Variants in TTLL1 observed in about 807,000 individuals in gnomAD.
The protein encoded by TTLL1 is TTL family tubulin polyglutamylase complex subunit L1, also known as polyglutamylase complex subunit TTLL1.
In TTLL1, 33 loss-of-function variants were observed where a neutral mutation model predicts 47.8. That is an observed-to-expected ratio of 0.69 (90% CI 0.52 to 0.92). The LOEUF is 0.92. Ranked by LOEUF, TTLL1 falls within the 40% of genes least tolerant of loss-of-function variation. The pLI is 0.00. For missense variants in TTLL1, 488 were observed against 547.5 expected, an observed-to-expected ratio of 0.89 and a Z score of 1.08; for synonymous variants, 225 against 214.1, an observed-to-expected ratio of 1.05 and a Z score of -0.45.
chr22:43,054,676 G>A (rs916536545), intron 8 of TTLL1, among the ~76,000 whole-genome samples: 7 of 145,478 alleles, frequency 4.8e-5, no homozygotes, highest in South Asian at 4.3e-4. Context: ...CACCCACCTC[G>A]CCCTCCCAAA....
rs186009199 is a variant in TTLL1 at position 43,081,194 on chromosome 22, G to A, written c.-89-1208C>T. The stretch of plus-strand genomic sequence containing the variant: ...GCCTCTCAAAGTGCTGGGATGACAA[G>A]CGTGAGCCACCGCGCCCGGCTGCAC... On this transcript the variant is annotated intron_variant, in intron 1 of 10. Transcript: ENST00000266254. 3.3e-3 allele frequency among the ~76,000 whole-genome samples: 498 copies of A among 152,158 alleles called. 2 individuals carry two copies. Among genetic ancestry groups the A allele is most frequent in the African/African-American group, 0.012 (486 of 41,500 alleles).
intron 1 of TTLL1, among the ~76,000 whole-genome samples, chr22:43,080,242 A>T (rs1439812307): frequency 2.0e-5 from 3 of 151,894 alleles, no homozygotes; most frequent in African/African-American, 7.3e-5. Flanking sequence ...TTTTGTAGAG[A>T]CAGGGTTTCC....
At chr22:43,058,631 C>T (rs1393595220) in intron 8 of TTLL1, among the ~76,000 whole-genome samples, 1 of 152,158 alleles carries the variant, frequency 6.6e-6, no homozygotes, top group Non-Finnish European at 1.5e-5. Context: ...TTTCCCTTTC[C>T]GAAAAGACTG....
chr22:43,054,787 G>A (rs1175385994), intron 8 of TTLL1, among the ~76,000 whole-genome samples: 11 of 147,638 alleles, frequency 7.5e-5, no homozygotes, highest in South Asian at 6.5e-4. Context: ...GTGCAGTGGC[G>A]CAATCTCGGC....
chr22:43,052,014 C>T (rs1188859410), intron 8 of TTLL1, 127 bp from the exon 9 acceptor site: 2 of 797,558 alleles, frequency 2.5e-6, no homozygotes, highest in Non-Finnish European at 4.3e-6. Context: ...CACCCTCCAC[C>T]ACAAACGCTT....
intron 4 of TTLL1, among the ~76,000 whole-genome samples, chr22:43,069,185 G>A (rs958404695): frequency 9.8e-5 from 14 of 142,566 alleles, no homozygotes; most frequent in Admixed American, 3.0e-4. Flanking sequence ...GACCAGCCTG[G>A]CCAATATGGT....
chr22:43,045,149 C>T (rs778405900), intron 10 of TTLL1, among the ~76,000 whole-genome samples: 17 of 152,186 alleles, frequency 1.1e-4, no homozygotes, highest in Non-Finnish European at 2.2e-4. Flanking sequence ...GCGTGAGCCA[C>T]CACGCCCAGC....
chr22:43,061,569 C>T (rs1927388526), intron 7 of TTLL1, among the ~76,000 whole-genome samples: 1 of 152,238 alleles, frequency 6.6e-6, no homozygotes, highest in African/African-American at 2.4e-5. Context: ...GGCTTCCATC[C>T]AAAGAAGATT....
At chr22:43,051,698 T>G in intron 9 of TTLL1, 103 bp downstream of exon 9, 8 of 1,105,882 alleles carry the variant, frequency 7.2e-6, no homozygotes, top group East Asian at 4.7e-5. Context: ...CTGCCTGGCC[T>G]GAGAAACATC....
chr22:43,066,666 G>A (rs915940529), intron 5 of TTLL1, among the ~76,000 whole-genome samples: 3 of 149,738 alleles, frequency 2.0e-5, no homozygotes, highest in African/African-American at 7.5e-5. Flanking sequence ...AGGTTGCAGT[G>A]AGCCATGATC....
At chr22:43,070,261 A>G in intron 3 of TTLL1, 1 of 1,277,812 alleles carries the variant, frequency 7.8e-7, no homozygotes, top group South Asian at 1.2e-5. Flanking sequence ...ACAAAATCAC[A>G]GGGGTTATTT....
chr22:43,087,565 C>T (rs1015972948), intron 1 of TTLL1, among the ~76,000 whole-genome samples: 3 of 149,790 alleles, frequency 2.0e-5, no homozygotes, highest in South Asian at 2.1e-4. Context: ...TAGCAGGGCA[C>T]GGTGGCTCAC....
chr22:43,077,881 C>T lies in TTLL1; in HGVS notation c.-5+2021G>A, dbSNP rs9623749. Reference sequence around the variant, plus strand: ...CAGCACTTTGAGAGGCCGAGGCAGGCGGATCACTTGAGCCCAAGAGTTTGA... The same window carrying T: ...CAGCACTTTGAGAGGCCGAGGCAGGTGGATCACTTGAGCCCAAGAGTTTGA... On this transcript the variant is annotated intron_variant, in intron 2 of 10. Transcript: ENST00000266254. 3.2e-3 allele frequency among the ~76,000 whole-genome samples: 489 copies of T among 152,204 alleles called. 5 individuals are homozygous for T. Among genetic ancestry groups the T allele is most frequent in the African/African-American group, 0.011 (468 of 41,522 alleles).
At chr22:43,073,202 G>A (rs1209946764) in intron 3 of TTLL1, among the ~76,000 whole-genome samples, 1 of 151,378 alleles carries the variant, frequency 6.6e-6, no homozygotes, top group Non-Finnish European at 1.5e-5. Context: ...TTTTAGTAGA[G>A]ACAGGGTTTC....
rs575593289 is a variant in TTLL1 at position 43,055,737 on chromosome 22, G to A, written c.891+3647C>T. Among the ~76,000 whole-genome samples, 21 of 152,038 alleles carry A rather than the reference G, an allele frequency of 1.4e-4. 1 individual carries two copies. Among genetic ancestry groups the A allele is most frequent in the African/African-American group, 4.6e-4 (19 of 41,468 alleles). The stretch of plus-strand genomic sequence containing the variant: ...AATCCTCCTGTCTCAGTCTCCCAAA[G>A]GGCTGAGATTACAAGCATGAGCCAC... On this transcript the variant is annotated intron_variant, in intron 8 of 10. Coordinates refer to ENST00000266254, the MANE Select transcript of TTLL1 (RefSeq NM_012263.5).
intron 7 of TTLL1, among the ~76,000 whole-genome samples, chr22:43,063,009 A>G (rs932972548): frequency 9.2e-5 from 14 of 152,180 alleles, no homozygotes; most frequent in Non-Finnish European, 2.1e-4. Flanking sequence ...TACTCAAAGT[A>G]AAAAACCAAA....
intron 7 of TTLL1, among the ~76,000 whole-genome samples, chr22:43,061,894 A>C (rs1927409438): frequency 6.6e-6 from 1 of 152,220 alleles, no homozygotes; most frequent in Admixed American, 6.5e-5. Context: ...TTTGCAGGGA[A>C]GCCTTCTCCA....
chr22:43,080,872 T>C (rs1928829928), intron 1 of TTLL1, among the ~76,000 whole-genome samples: 1 of 144,978 alleles, frequency 6.9e-6, no homozygotes, highest in Admixed American at 7.0e-5. Context: ...AGGGTGGGAC[T>C]CTGAGTCACC....
At chr22:43,084,528 G>A (rs1929103000) in intron 1 of TTLL1, among the ~76,000 whole-genome samples, 3 of 151,666 alleles carry the variant, frequency 2.0e-5, no homozygotes, top group Admixed American at 1.3e-4. Flanking sequence ...TTGAGATGGA[G>A]TCTTGCTCAA....
Sources: gnomAD v4.1 joint callset for allele counts (sites outside exome capture counted in the v4.1 genomes callset) on GRCh38, gnomAD v4.1.1 for gene constraint, MANE v1.5 for transcripts, NCBI Gene and HGNC (gene_info 2026-07-23, HGNC 2026-07-21) for gene names.